Variants in RASA3 observed in about 807,000 individuals in gnomAD.
RASA3 encodes ras GTPase-activating protein 3.
RASA3 carries 73 observed loss-of-function variants against 110.0 expected under a neutral mutation model. The observed-to-expected ratio is 0.66, with a 90% confidence interval of 0.55 to 0.81. RASA3 has a LOEUF of 0.81. Ranked by LOEUF, RASA3 falls within the 30% of genes least tolerant of loss-of-function variation. The pLI, the probability that RASA3 is intolerant of heterozygous loss-of-function variation, is 0.00. For synonymous variants in RASA3, 500 were observed against 451.4 expected (o/e 1.11, Z -1.37); for missense variants, 976 against 1,113.2 (o/e 0.88, Z 1.75).
At chr13:114,051,335 C>T (rs1236154832) in intron 3 of RASA3, among the ~76,000 whole-genome samples, 1 of 152,212 alleles carries the variant, frequency 6.6e-6, no homozygotes, top group African/African-American at 2.4e-5. Flanking sequence ...TCCTGGCTCT[C>T]CCAGCGTCAC....
At chr13:114,088,242 A>G (rs2079846345) in intron 1 of RASA3, among the ~76,000 whole-genome samples, 1 of 152,238 alleles carries the variant, frequency 6.6e-6, no homozygotes, top group African/African-American at 2.4e-5. Context: ...TGGAAATGTC[A>G]ATGATTAACG....
chr13:114,129,378 C>T (rs2080489945), intron 1 of RASA3, among the ~76,000 whole-genome samples: 1 of 152,222 alleles, frequency 6.6e-6, no homozygotes, highest in South Asian at 2.1e-4. Flanking sequence ...ACCACCAAAG[C>T]ACCTCACTTC....
chr13:114,043,033 C>T lies in RASA3; in HGVS notation c.278-1939G>A, dbSNP rs540666836. On this transcript the variant is annotated intron_variant, in intron 3 of 23. Transcript: ENST00000334062. ...TTCCCTCAGGAGCTCCTCTGCCTCGCGGGCTCATGCGAGCGAGACCTCTCA... is the reference window on the plus strand; with the variant it reads ...TTCCCTCAGGAGCTCCTCTGCCTCGTGGGCTCATGCGAGCGAGACCTCTCA... 7.9e-5 allele frequency among the ~76,000 whole-genome samples: 12 copies of T among 152,326 alleles called. 1 individual carries two copies. The highest frequency in any genetic ancestry group is 2.1e-4 in the South Asian group (1 of 4,832).
chr13:114,014,991 G>A lies in RASA3; in HGVS notation c.1405+218C>T, dbSNP rs1305564855. On this transcript the variant is annotated intron_variant, in intron 14 of 23. Coordinates refer to ENST00000334062, the MANE Select transcript of RASA3 (RefSeq NM_007368.4). The surrounding 1 kb of genome is among the most constrained non-coding windows in gnomAD (Gnocchi z 4.5). Reference sequence around the variant, plus strand: ...GTCCCCTGGAGACTACTGTGGAGGTGAACTCCAGGGCTGGGGTCCCCCAGA... The same window carrying A: ...GTCCCCTGGAGACTACTGTGGAGGTAAACTCCAGGGCTGGGGTCCCCCAGA... Among the ~76,000 whole-genome samples, 1 of 151,988 alleles carries A rather than the reference G, an allele frequency of 6.6e-6. No individual in the cohort carries two copies. The highest frequency in any genetic ancestry group is 2.4e-5 in the African/African-American group (1 of 41,394).
intron 18 of RASA3, among the ~76,000 whole-genome samples, chr13:114,005,433 A>C (rs899837022): frequency 6.6e-6 from 1 of 152,168 alleles, no homozygotes; most frequent in African/African-American, 2.4e-5. Flanking sequence ...GGCCTGTGTC[A>C]GAAACACGGG....
rs1301716340 is a variant in RASA3 at position 114,115,988 on chromosome 13, G to C, written c.55+16447C>G. Among the ~76,000 whole-genome samples the C allele has an allele frequency of 6.6e-6, 1 of 152,240 alleles. No individual in the cohort carries two copies. Among genetic ancestry groups the C allele is most frequent in the Non-Finnish European group, 1.5e-5 (1 of 68,036 alleles). On this transcript the variant is annotated intron_variant, in intron 1 of 23. Transcript: ENST00000334062. The surrounding 1 kb of genome is among the most constrained non-coding windows in gnomAD (Gnocchi z 5.0). ...AGGCGGGTGACGTTCTGGGGTCCCT[G>C]GGAAGTTGTCATCACCCTGCTGACA...
Position 113,989,761 on chromosome 13 carries a change from G to A in RASA3, c.2245+2724C>T, listed in dbSNP as rs1234615093. 2.0e-5 allele frequency among the ~76,000 whole-genome samples: 3 copies of A among 152,176 alleles called. No individual in the cohort carries two copies. The East Asian group carries it at 5.8e-4, about 29-fold the overall frequency. ...CACCCATCTACCCACCCACTCAGCT[G>A]CCTGCCCCGCCATCTGTCCAGCACA... On this transcript the variant is annotated intron_variant, in intron 22 of 23. Transcript: ENST00000334062.
intron 7 of RASA3, among the ~76,000 whole-genome samples, chr13:114,026,124 G>A (rs943865455): frequency 1.3e-5 from 2 of 152,236 alleles, no homozygotes; most frequent in Admixed American, 6.5e-5. Context: ...CGTCTTTACA[G>A]AGTGAAACAG....
intron 20 of RASA3, among the ~76,000 whole-genome samples, chr13:113,997,159 G>C (rs1186818118): frequency 1.3e-5 from 2 of 152,214 alleles, no homozygotes; most frequent in Non-Finnish European, 2.9e-5. Context: ...CAGCCCAGGT[G>C]GCCCGGCCTG....
intron 4 of RASA3, among the ~76,000 whole-genome samples, chr13:114,037,973 C>T (rs7998925): frequency 0.12 from 17,780 of 151,858 alleles, 2,267 homozygotes; most frequent in African/African-American, 0.31. Context: ...GAAGGGAGCA[C>T]GGCCTTCCGT....
intron 19 of RASA3, among the ~76,000 whole-genome samples, 176 bp from the exon 20 acceptor site, chr13:113,999,843 CGGGGGTCTCTGCTGG>C (rs1382441396): frequency 8.2e-5 from 2 of 24,268 alleles, no homozygotes; most frequent in African/African-American, 1.7e-4. Flanking sequence ...GGGTCTCTAC[CGGGGGTCTCTGCTGG>C]GGGGGTCTCT....
chr13:114,072,387 G>C (rs978429139), intron 2 of RASA3, among the ~76,000 whole-genome samples: 1 of 152,158 alleles, frequency 6.6e-6, no homozygotes, highest in East Asian at 1.9e-4. Context: ...GATTTTAAGA[G>C]TTTGTTTTTC....
chr13:114,103,830 A>G (rs76203481), intron 1 of RASA3, among the ~76,000 whole-genome samples: 1 of 21,324 alleles, frequency 4.7e-5, no homozygotes, highest in Non-Finnish European at 8.5e-5. Context: ...CGCCGACCAC[A>G]GACACCCACC....
intron 1 of RASA3, among the ~76,000 whole-genome samples, chr13:114,079,784 G>T (rs1306617995): frequency 1.3e-5 from 2 of 152,186 alleles, no homozygotes; most frequent in East Asian, 3.9e-4. Flanking sequence ...TCTGGACACG[G>T]GGGCTCCGTG....
intron 21 of RASA3, 142 bp from the exon 22 acceptor site, chr13:113,992,730 C>G (rs1167696452): frequency 1.4e-6 from 1 of 694,564 alleles, no homozygotes; most frequent in African/African-American, 1.8e-5. Context: ...ATTTGCTGTC[C>G]GTCTGTGCAC....
intron 1 of RASA3, among the ~76,000 whole-genome samples, chr13:114,101,583 T>C (rs2080061031): frequency 6.6e-6 from 1 of 152,258 alleles, no homozygotes; most frequent in Non-Finnish European, 1.5e-5. Context: ...AGATCCGGGC[T>C]TTCCTTGGCA....
Position 114,021,441 on chromosome 13 carries a change from A to G in RASA3, c.748T>C (p.Leu250=), listed in dbSNP as rs568591550. Residue 250 remains leucine (L), a synonymous_variant, in exon 9 of 24, where the codon TTG becomes CTG. Transcript: ENST00000334062. The stretch of plus-strand genomic sequence containing the variant: ...GAGCTGGACTGCCGCAGGACTTTCA[A>G]CGGGATCCTTAGTTCTCCCAGGAAT... ...DEFLGELRIP[L]KVLRQSSSYE... is the part of the protein sequence containing the mutation. 1.1e-5 allele frequency: 17 copies of G among 1,614,012 alleles called. No homozygotes were observed. The highest frequency in any genetic ancestry group is 1.0e-4 in the Admixed American group (6 of 60,020).
intron 1 of RASA3, among the ~76,000 whole-genome samples, chr13:114,125,568 G>A (rs1009030180): frequency 2.0e-5 from 3 of 152,154 alleles, no homozygotes; most frequent in Admixed American, 2.0e-4. Flanking sequence ...TTCCCACCAG[G>A]CCCCACTTCC....
intron 3 of RASA3, among the ~76,000 whole-genome samples, chr13:114,045,944 T>TAG (rs1555334962): frequency 6.6e-6 from 1 of 151,858 alleles, no homozygotes; most frequent in Non-Finnish European, 1.5e-5. Context: ...CCCAAGCGTG[T>TAG]AAAGATATAC....
Sources: allele counts gnomAD v4.1 joint callset (sites outside exome capture counted in the v4.1 genomes callset), GRCh38; gene constraint gnomAD v4.1.1; non-coding constraint Gnocchi (gnomAD v3.1); transcripts MANE v1.5; gene names NCBI Gene and HGNC (gene_info 2026-07-23, HGNC 2026-07-21).